Variants in GFM2 observed in about 807,000 individuals in gnomAD.
GFM2 encodes ribosome-releasing factor 2, mitochondrial.
Under a neutral mutation model 95.4 loss-of-function variants are expected in GFM2, and 72 were observed. That is an observed-to-expected ratio of 0.76 (90% CI 0.62 to 0.92). The LOEUF (loss-of-function observed/expected upper bound fraction) is 0.92. Among genes scored for constraint, GFM2 ranks in the 40% least tolerant of loss-of-function variants. GFM2 has a pLI of 0.00. For missense variants in GFM2, 825 were observed against 924.1 expected (o/e 0.89, Z 1.39); for synonymous variants, 276 against 317.5 (o/e 0.87, Z 1.39).
In GFM2 at chr5:74,738,332, C is replaced by A. The variant is rs1360842640; in HGVS notation, c.1306G>T (p.Val436Phe). Residue 436 changes from valine (V) to phenylalanine (F), a missense_variant, in exon 14 of 21, where the codon GTT becomes TTT. Physicochemically the swap from Val to Phe is conservative, Grantham distance 50 (BLOSUM62 -1). Coordinates refer to ENST00000296805, the MANE Select transcript of GFM2 (RefSeq NM_032380.5). ...TGGTCACTTACATGTTTAAGCCCAA[C>A]AGTCAAAGCAATGTTACCAGCAGTC... ...SLTAGNIALTVGLKHTATGDT... is the reference protein window; with the variant it reads ...SLTAGNIALTFGLKHTATGDT... The A allele has an allele frequency of 1.2e-6, 2 of 1,612,192 alleles. No homozygotes were observed. Among genetic ancestry groups the A allele is most frequent in the African/African-American group, 2.7e-5 (2 of 74,822 alleles).
chr5:74,742,165 G>A (rs1353792294), intron 10 of GFM2, among the ~76,000 whole-genome samples: 1 of 151,398 alleles, frequency 6.6e-6, no homozygotes, highest in Non-Finnish European at 1.5e-5. Context: ...ATGACCATCC[G>A]ACTATACGAA....
chr5:74,764,501 A>T (rs1365335970), intron 1 of GFM2, among the ~76,000 whole-genome samples: 2 of 150,392 alleles, frequency 1.3e-5, no homozygotes, highest in Non-Finnish European at 3.0e-5. Flanking sequence ...GGTTTTTTTT[A>T]TTTTTTTTTA....
rs190373800 is a variant in GFM2 at position 74,750,772 on chromosome 5, T to C, written c.431-105A>G. 61 of 726,800 alleles carry C rather than the reference T, an allele frequency of 8.4e-5. No homozygotes were observed. In the East Asian group the frequency reaches 1.7e-3, roughly 20 times the overall value. The allele number at this position is 726,800 out of a possible 1,614,324, so 45.0% of individuals were successfully genotyped here. On this transcript the variant is annotated intron_variant, in intron 6 of 20. Coordinates refer to ENST00000296805, the MANE Select transcript of GFM2 (RefSeq NM_032380.5). ...GGGGAGGGGTGTGTGTGTATATATA[T>C]GTGTATATATATAAAGGTATTGAAA... is the stretch of plus-strand genomic sequence containing the variant.
chr5:74,734,909 T>G (rs1236349063), intron 15 of GFM2, among the ~76,000 whole-genome samples: 2 of 152,182 alleles, frequency 1.3e-5, no homozygotes, highest in Non-Finnish European at 2.9e-5. Flanking sequence ...TCTCCTAAAG[T>G]AGTTAAAGGC....
At position 74,749,226 on chromosome 5, in the gene GFM2, G is replaced by A. The variant is rs865863664; in HGVS notation, c.519+1353C>T. The stretch of plus-strand genomic sequence containing the variant: ...GATGGGGTTTCGCCATGTTGCTCAG[G>A]CTGGTCTCTAATTCCTGGGCTCAAG... On this transcript the variant is annotated intron_variant, in intron 7 of 20. Coordinates refer to ENST00000296805, the MANE Select transcript of GFM2 (RefSeq NM_032380.5). Among the ~76,000 whole-genome samples, 15 of 151,938 alleles carry A rather than the reference G, an allele frequency of 9.9e-5. No homozygotes were observed. The South Asian group carries it at 2.9e-3, about 29-fold the overall frequency.
At chr5:74,729,678 CTT>C (rs35280586) in intron 17 of GFM2, among the ~76,000 whole-genome samples, 12 of 134,782 alleles carry the variant, frequency 8.9e-5, no homozygotes, top group Admixed American at 1.5e-4. Flanking sequence ...TCCTAAACGT[CTT>C]TTTTTTTTTT....
chr5:74,747,564 C>T, intron 8 of GFM2, 128 bp downstream of exon 8: 1 of 544,948 alleles, frequency 1.8e-6, no homozygotes, highest in Non-Finnish European at 3.3e-6. Context: ...AACTGGGATT[C>T]CATGGAATAT....
chr5:74,759,068 T>C (rs2112357064), intron 4 of GFM2, 122 bp from the exon 5 acceptor site: 1 of 660,216 alleles, frequency 1.5e-6, no homozygotes. Flanking sequence ...ACTAGAAAAA[T>C]GGAAAACATT....
intron 20 of GFM2, 32 bp downstream of exon 20, chr5:74,722,347 G>A: frequency 6.4e-7 from 1 of 1,552,248 alleles, no homozygotes; most frequent in Non-Finnish European, 8.9e-7. Flanking sequence ...GAATTAAGAA[G>A]AATATGTACT....
intron 14 of GFM2, among the ~76,000 whole-genome samples, chr5:74,737,476 TG>T (rs1489094445): frequency 6.6e-6 from 1 of 152,194 alleles, no homozygotes; most frequent in Non-Finnish European, 1.5e-5. Context: ...ACTTTTATAT[TG>T]TGAAGTTCTG....
In GFM2 at chr5:74,733,416, GCTAC is replaced by G. The variant is rs1742675665; in HGVS notation, c.1511-322_1511-319del. On this transcript the variant is annotated intron_variant, in intron 15 of 20. Transcript: ENST00000296805. The stretch of plus-strand genomic sequence containing the variant: ...GCTGATATAATAATAATAATGGGAG[GCTAC>G]CTGAGACTGAGTGGTCTAGGAAGGC... 3 of 184,954 alleles carry G rather than the reference GCTAC, an allele frequency of 1.6e-5. No individual in the cohort carries two copies. In the South Asian group the frequency reaches 3.4e-4, roughly 21 times the overall value. 11.5% of individuals were successfully genotyped at this position (184,954 alleles called of 1,614,324 possible). A position where few individuals can be genotyped will look rare whatever the true frequency, so the allele number is the denominator to read the frequency against.
intron 9 of GFM2, 69 bp downstream of exon 9, chr5:74,746,036 A>C: frequency 8.4e-7 from 1 of 1,185,284 alleles, no homozygotes; most frequent in Non-Finnish European, 1.2e-6. Context: ...AGCTTTGGAA[A>C]TGTATATATT....
At chr5:74,736,558 AAGAG>A in intron 15 of GFM2, 3 of 1,358,512 alleles carry the variant, frequency 2.2e-6, no homozygotes, top group Non-Finnish European at 2.8e-6. Context: ...ATAGCACTAC[AAGAG>A]TAAGGAAGAA....
intron 5 of GFM2, among the ~76,000 whole-genome samples, chr5:74,756,170 T>C (rs1743969992): frequency 6.6e-6 from 1 of 152,138 alleles, no homozygotes. Flanking sequence ...CCCTCTATGA[T>C]TAAAACCCTC....
chr5:74,727,199 TTA>T (rs1176288806), intron 17 of GFM2, among the ~76,000 whole-genome samples: 5 of 152,104 alleles, frequency 3.3e-5, no homozygotes, highest in Admixed American at 1.3e-4. Flanking sequence ...AAATATACGT[TTA>T]TATATGAGTA....
chr5:74,722,014 G>C (rs895536912), intron 20 of GFM2, among the ~76,000 whole-genome samples: 6 of 152,162 alleles, frequency 3.9e-5, no homozygotes, highest in African/African-American at 1.4e-4. Flanking sequence ...TTTGTTAGAT[G>C]GCTTTGCCGG....
At chr5:74,740,264 G>C in intron 11 of GFM2, 127 bp from the exon 12 acceptor site, 1 of 636,190 alleles carries the variant, frequency 1.6e-6, no homozygotes, top group Non-Finnish European at 2.6e-6. Flanking sequence ...TCATTTTGTT[G>C]GCTTAGTTTT....
chr5:74,756,333 G>A (rs1297368285), intron 5 of GFM2, among the ~76,000 whole-genome samples: 1 of 151,938 alleles, frequency 6.6e-6, no homozygotes, highest in Admixed American at 6.6e-5. Flanking sequence ...AAAGCACAAT[G>A]CAATACCACC....
chr5:74,764,521 C>G (rs568417460), intron 1 of GFM2, among the ~76,000 whole-genome samples: 1 of 152,044 alleles, frequency 6.6e-6, no homozygotes, highest in South Asian at 2.1e-4. Flanking sequence ...AGCTCATCAG[C>G]TATTGTTAGT....
Sources: gnomAD v4.1 joint callset for allele counts (sites outside exome capture counted in the v4.1 genomes callset) on GRCh38, gnomAD v4.1.1 for gene constraint, MANE v1.5 for transcripts, NCBI Gene and HGNC (gene_info 2026-07-23, HGNC 2026-07-21) for gene names.